The following ZNF723 variants were observed in gnomAD, a reference collection of about 807,000 sequenced individuals.
ZNF723 encodes the protein zinc finger protein 723.
A neutral mutation model predicts 9.4 loss-of-function variants in ZNF723; 5 were observed. That is an observed-to-expected ratio of 0.53 (90% confidence interval 0.28 to 1.12). The LOEUF (loss-of-function observed/expected upper bound fraction) is 1.12. Ranked by LOEUF, ZNF723 falls within the 50% of genes most tolerant of loss-of-function variation. The probability of loss-of-function intolerance (pLI) is 0.10; values close to 1 mark genes in which losing one functional copy is unlikely to be tolerated. For missense variants in ZNF723, 450 were observed against 501.5 expected (o/e 0.90, Z 0.98); for synonymous variants, 158 against 168.8 (o/e 0.94, Z 0.49).
At chr19:22,842,145 C>T (rs922265102) in intron 1 of ZNF723, among the ~76,000 whole-genome samples, 1 of 152,150 alleles carries the variant, frequency 6.6e-6, no homozygotes, top group African/African-American at 2.4e-5. Flanking sequence ...GCTGGGATTA[C>T]AGGCATGTGC....
At chr19:22,840,893 G>C (rs1967235529) in intron 1 of ZNF723, 1 of 152,450 alleles carries the variant, frequency 6.6e-6, no homozygotes, top group African/African-American at 2.4e-5. Flanking sequence ...CACCCAGGAG[G>C]CCTGCAGGCT....
chr19:22,821,863 C>T, the ZNF723 span, among the ~76,000 whole-genome samples: 2 of 152,124 alleles, frequency 1.3e-5, no homozygotes, highest in African/African-American at 4.8e-5. Flanking sequence ...AATCCCAGTC[C>T]TCTGGGGGGC....
upstream of ZNF723, among the ~76,000 whole-genome samples, chr19:22,829,152 G>A (rs1297554957): frequency 1.3e-5 from 2 of 151,600 alleles, no homozygotes; most frequent in Admixed American, 6.6e-5. Context: ...CAGCCTGGGT[G>A]ACAGAGTGAA....
intron 1 of ZNF723, among the ~76,000 whole-genome samples, chr19:22,839,159 C>T (rs1248932178): frequency 1.3e-5 from 2 of 152,116 alleles, no homozygotes. Flanking sequence ...TGAGCCACCG[C>T]CCTTCTGTAT....
intron 1 of ZNF723, chr19:22,840,821 T>G (rs1967234192): frequency 6.6e-6 from 1 of 152,174 alleles, no homozygotes; most frequent in African/African-American, 2.4e-5. Flanking sequence ...CATGTCACCA[T>G]TTTAAATAGA....
intron 1 of ZNF723, among the ~76,000 whole-genome samples, chr19:22,841,766 T>C (rs1376523861): frequency 6.6e-6 from 1 of 152,104 alleles, no homozygotes; most frequent in Non-Finnish European, 1.5e-5. Flanking sequence ...TGAGTAGACA[T>C]GTAGACATGA....
chr19:22,857,226 A>T lies in ZNF723; in HGVS notation c.335A>T (p.Gln112Leu). ...GGAAAATATGGACATGACAATTTAC[A>T]ATTAAGAAAAGGCTGTGAAAGTGTG... Reference protein sequence around the residue: ...SYGKYGHDNLQLRKGCESVDE... With the variant: ...SYGKYGHDNLLLRKGCESVDE... The change falls in exon 4 of 4, where the codon CAA (glutamine) becomes CTA (leucine). Residue 112 changes from glutamine (Q) to leucine (L), a missense_variant. Gln to Leu is a moderately radical substitution (Grantham distance 113). Transcript: ENST00000600766. 1.1e-6 allele frequency: 1 copy of T among 877,982 alleles called. No individual in the cohort carries two copies. The highest frequency in any genetic ancestry group is 1.9e-6 in the Non-Finnish European group (1 of 526,570). The allele number at this position is 877,982 out of a possible 1,614,324, so 54.4% of individuals were successfully genotyped here.
At chr19:22,852,215 T>C (rs1967407942) in intron 3 of ZNF723, among the ~76,000 whole-genome samples, 2 of 152,226 alleles carry the variant, frequency 1.3e-5, no homozygotes, top group Admixed American at 6.5e-5. Flanking sequence ...TGATCTACTT[T>C]ATAGTGTCCA....
Position 22,857,626 on chromosome 19 carries a change from T to G in ZNF723, c.735T>G (p.Asn245Lys). The G allele has an allele frequency of 7.8e-7, 1 of 1,289,990 alleles. No individual in the cohort carries two copies. The highest frequency in any genetic ancestry group is 2.3e-5 in the East Asian group (1 of 43,348). The allele number at this position is 1,289,990 out of a possible 1,614,324, so 79.9% of individuals were successfully genotyped here. A position where few individuals can be genotyped will look rare whatever the true frequency, so the allele number is the denominator to read the frequency against. Residue 245 changes from asparagine to lysine, a missense_variant, in exon 4 of 4, where the codon AAT becomes AAG. Around this residue, in one of 5 missense-constraint regions of ZNF723, gnomAD observed 237 missense variants for 332.2 expected, o/e 0.71. Transcript: ENST00000600766. Reference sequence around the variant, plus strand: ...CCTTTAATGTGTCCTCAAGCCTTAATAATCATAAGAGAATTCATACTGGAG... The same window carrying G: ...CCTTTAATGTGTCCTCAAGCCTTAAGAATCATAAGAGAATTCATACTGGAG... Reference protein sequence around the residue: ...GKAFNVSSSLNNHKRIHTGEK... With the variant: ...GKAFNVSSSLKNHKRIHTGEK...
chr19:22,818,015 C>T, the ZNF723 span, among the ~76,000 whole-genome samples: 45 of 152,286 alleles, frequency 3.0e-4, no homozygotes, highest in African/African-American at 9.4e-4. Context: ...GGAACTGTGA[C>T]GGTCATATGT....
the ZNF723 span, among the ~76,000 whole-genome samples, chr19:22,820,972 G>C: frequency 1.3e-5 from 2 of 152,198 alleles, no homozygotes; most frequent in Admixed American, 6.5e-5. Flanking sequence ...AGTTGGAATT[G>C]TGACTCTCAT....
intron 1 of ZNF723, among the ~76,000 whole-genome samples, chr19:22,844,566 G>A (rs1967284690): frequency 6.6e-6 from 1 of 152,188 alleles, no homozygotes; most frequent in Admixed American, 6.5e-5. Context: ...CTTAAACATT[G>A]CATTAGTACA....
At chr19:22,816,523 C>G in the ZNF723 span, among the ~76,000 whole-genome samples, 3 of 152,202 alleles carry the variant, frequency 2.0e-5, no homozygotes, top group Non-Finnish European at 4.4e-5. Flanking sequence ...GCCTCTTATA[C>G]CTAAAACCAA....
At chr19:22,837,277 A>T (rs1215159597) in intron 1 of ZNF723, among the ~76,000 whole-genome samples, 1 of 89,600 alleles carries the variant, frequency 1.1e-5, no homozygotes, top group Admixed American at 1.0e-4. Context: ...ACTCTGGCTT[A>T]AAAAAAAAAA....
chr19:22,844,732 A>G (rs1222666178), intron 1 of ZNF723, among the ~76,000 whole-genome samples: 1 of 152,186 alleles, frequency 6.6e-6, no homozygotes, highest in Non-Finnish European at 1.5e-5. Flanking sequence ...TGAAAAGAGT[A>G]CGGAGTTTAA....
In ZNF723 at chr19:22,857,815, T is replaced by C; in HGVS notation, c.924T>C (p.Thr308=). 7.2e-7 allele frequency: 1 copy of C among 1,387,836 alleles called. No individual in the cohort carries two copies. The highest frequency in any genetic ancestry group is 1.0e-6 in the Non-Finnish European group (1 of 974,622). The allele number at this position is 1,387,836 out of a possible 1,614,324, so 86.0% of individuals were successfully genotyped here. ...SSLNNHKRIH[T]GEKPYKCEEC... is the part of the protein sequence containing the mutation. ...TTAATAATCATAAGAGAATTCATAC[T>C]GGAGAGAAACCCTACAAATGTGAAG... The change falls in exon 4 of 4, where the codon ACT becomes ACC. Residue 308 remains threonine (T), a synonymous_variant. Coordinates refer to ENST00000600766, the MANE Select transcript of ZNF723 (RefSeq NM_001349726.2).
At chr19:22,813,765 A>C in the ZNF723 span, among the ~76,000 whole-genome samples, 1 of 151,916 alleles carries the variant, frequency 6.6e-6, no homozygotes, top group Non-Finnish European at 1.5e-5. Context: ...AAACAAAAAA[A>C]CTGACTATCA....
chr19:22,838,619 C>G (rs969525360), intron 1 of ZNF723, among the ~76,000 whole-genome samples: 8 of 151,950 alleles, frequency 5.3e-5, no homozygotes, highest in Non-Finnish European at 1.2e-4. Flanking sequence ...GATAATGGGT[C>G]ATAGTTTCAT....
At chr19:22,853,618 G>A (rs1183709484) in intron 3 of ZNF723, among the ~76,000 whole-genome samples, 3 of 151,860 alleles carry the variant, frequency 2.0e-5, no homozygotes, top group Admixed American at 1.3e-4. Flanking sequence ...TTGTAAGATC[G>A]TGTGAGTATT....
Sources: gnomAD v4.1 joint callset for allele counts (sites outside exome capture counted in the v4.1 genomes callset) on GRCh38, gnomAD v4.1.1 for gene constraint, gnomAD v4.1.1 regional missense constraint, MANE v1.5 for transcripts, NCBI Gene and HGNC (gene_info 2026-07-23, HGNC 2026-07-21) for gene names.